NDRG4: variants seen among roughly 807,000 people sequenced by gnomAD.
NDRG4 encodes protein NDRG4.
Under a neutral mutation model 55.8 loss-of-function variants are expected in NDRG4, and 38 were observed. The observed-to-expected ratio is 0.68, with a 90% CI of 0.53 to 0.89. The LOEUF is 0.89. Among genes scored for constraint, NDRG4 ranks in the 40% least tolerant of loss-of-function variants. The pLI, the probability that NDRG4 is intolerant of heterozygous loss-of-function variation, is 0.00. For synonymous variants in NDRG4, 190 were observed against 182.7 expected, an observed-to-expected ratio of 1.04 and a Z score of -0.32; for missense variants, 455 against 468.6, an observed-to-expected ratio of 0.97 and a Z score of 0.27.
At chr16:58,501,830 A>G (rs2037166892) in intron 1 of NDRG4, 1 of 371,940 alleles carries the variant, frequency 2.7e-6, no homozygotes, top group East Asian at 7.6e-5. Flanking sequence ...AGCAGCAGAG[A>G]GCAGACACCC....
At chr16:58,499,950 G>A (rs1213795531), upstream of NDRG4, 1 of 554,538 alleles carries the variant, frequency 1.8e-6, no homozygotes, top group Non-Finnish European at 3.1e-6. Flanking sequence ...TGGCTGGGGT[G>A]GGAGGAGCAG....
At chr16:58,483,065 T>C (rs2034657195) in intron 1 of NDRG4, among the ~76,000 whole-genome samples, 2 of 152,172 alleles carry the variant, frequency 1.3e-5, no homozygotes, top group African/African-American at 4.8e-5. Context: ...GGATTACAGG[T>C]GTGAGCCACC....
intron 1 of NDRG4, among the ~76,000 whole-genome samples, chr16:58,471,375 C>G (rs1157600763): frequency 1.3e-5 from 2 of 151,948 alleles, no homozygotes; most frequent in Admixed American, 6.6e-5. Context: ...TCGGCCTGCA[C>G]TGAGAACAGC....
At chr16:58,486,700 T>TACACAC (rs56119933) in intron 1 of NDRG4, among the ~76,000 whole-genome samples, 164 of 128,128 alleles carry the variant, frequency 1.3e-3, no homozygotes, top group African/African-American at 3.9e-3. Context: ...CACTGGCTCC[T>TACACAC]ACACACACAC....
At chr16:58,473,666 C>A (rs2033185312) in intron 1 of NDRG4, among the ~76,000 whole-genome samples, 1 of 152,098 alleles carries the variant, frequency 6.6e-6, no homozygotes. Context: ...CCGTGAGTCC[C>A]CCTAGCTTTA....
chr16:58,484,951 G>A (rs1281683793), intron 1 of NDRG4, among the ~76,000 whole-genome samples: 1 of 147,640 alleles, frequency 6.8e-6, no homozygotes, highest in East Asian at 2.0e-4. Context: ...GCGCAATCTC[G>A]GCTCACTGCA....
At chr16:58,480,507 G>T (rs1187681724) in intron 1 of NDRG4, among the ~76,000 whole-genome samples, 1 of 152,206 alleles carries the variant, frequency 6.6e-6, no homozygotes, top group Non-Finnish European at 1.5e-5. Context: ...TACCAGAGTG[G>T]CCTCACCACC....
rs1555490231 is a variant in NDRG4 at position 58,513,168 on chromosome 16, A to AAG, written c.*1592_*1593insAG. On this transcript the variant is annotated 3_prime_UTR_variant, in exon 15 of 15. Coordinates refer to ENST00000570248, the MANE Select transcript of NDRG4 (RefSeq NM_001242835.2). ...GTATCTATAAATATCTATACATTAT[A>AAG]TGTGTGTGTGTGTGTGTGTGTGTGT... 10 of 150,136 alleles carry AAG rather than the reference A, an allele frequency of 6.7e-5. No individual in the cohort carries two copies. The highest frequency in any genetic ancestry group is 2.5e-4 in the African/African-American group (10 of 40,466). The allele number at this position is 150,136 out of a possible 1,614,324, so 9.3% of individuals were successfully genotyped here.
intron 1 of NDRG4, among the ~76,000 whole-genome samples, chr16:58,503,046 A>G (rs1233803498): frequency 6.6e-6 from 1 of 152,246 alleles, no homozygotes; most frequent in Non-Finnish European, 1.5e-5. Context: ...AGGCTGAGGC[A>G]CAGCAGAGAA....
upstream of NDRG4, chr16:58,500,072 C>G: frequency 6.7e-7 from 1 of 1,482,402 alleles, no homozygotes; most frequent in Non-Finnish European, 8.9e-7. Context: ...CTCAGAAACC[C>G]TGCGGGGAGG....
Position 58,504,810 on chromosome 16 carries a change from T to A in NDRG4, c.372+161T>A, listed in dbSNP as rs2037640647. On this transcript the variant is annotated intron_variant, in intron 5 of 14. Transcript: ENST00000570248. ...ATGTAGAAAACCTCTTTTTTCTTTT[T>A]TCCTCCAGGGAAATTAACTTTTTTA... 34 of 691,514 alleles carry A rather than the reference T, an allele frequency of 4.9e-5. No homozygotes were observed. In the East Asian group the frequency reaches 9.5e-4, roughly 19 times the overall value. 42.8% of individuals were successfully genotyped at this position (691,514 alleles called of 1,614,324 possible).
intron 1 of NDRG4, among the ~76,000 whole-genome samples, chr16:58,469,183 T>TA (rs1439080751): frequency 6.6e-6 from 1 of 152,220 alleles, no homozygotes; most frequent in Admixed American, 6.5e-5. Context: ...ACATTTTACA[T>TA]ACGGAGGAAA....
intron 1 of NDRG4, among the ~76,000 whole-genome samples, chr16:58,470,012 C>T (rs2032465868): frequency 6.6e-6 from 1 of 152,172 alleles, no homozygotes; most frequent in African/African-American, 2.4e-5. Flanking sequence ...GAAACATTTT[C>T]TTTCAGTGTC....
intron 1 of NDRG4, among the ~76,000 whole-genome samples, chr16:58,472,483 G>T (rs2151577703): frequency 6.6e-6 from 1 of 152,324 alleles, no homozygotes; most frequent in South Asian, 2.1e-4. Flanking sequence ...ACCCCGCACT[G>T]GGGCCCGGCT....
chr16:58,503,782 G>A lies in NDRG4; in HGVS notation c.22-16G>A, dbSNP rs62040071. On this transcript the variant is annotated splice_polypyrimidine_tract_variant and intron_variant, in intron 1 of 14. Transcript: ENST00000570248. ...GGAGGCTGCCCAGAGTGTCCAGCACGGTCTCTCCCCTTCAGGAACATGACA... is the reference window on the plus strand; with the variant it reads ...GGAGGCTGCCCAGAGTGTCCAGCACAGTCTCTCCCCTTCAGGAACATGACA... 3.6e-3 allele frequency: 5,875 copies of A among 1,613,650 alleles called. 10 individuals carry two copies. The highest frequency in any genetic ancestry group is 4.6e-3 in the Non-Finnish European group (5,397 of 1,179,940).
chr16:58,506,522 G>A (rs757922261), intron 6 of NDRG4, 36 bp from the exon 7 acceptor site: 2 of 1,599,690 alleles, frequency 1.3e-6, no homozygotes, highest in Non-Finnish European at 1.7e-6. Flanking sequence ...GGTGGGGTGA[G>A]GGGCGGCACT....
At chr16:58,510,187 A>AG (rs944101536) in intron 13 of NDRG4, among the ~76,000 whole-genome samples, 2 of 152,234 alleles carry the variant, frequency 1.3e-5, no homozygotes, top group African/African-American at 4.8e-5. Context: ...GCAGAGCCCT[A>AG]GGGCCCACAG....
chr16:58,506,380 A>C lies in NDRG4; in HGVS notation c.373-7A>C. 6.2e-7 allele frequency: 1 copy of C among 1,613,596 alleles called. No homozygotes were observed. Reference sequence around the variant, plus strand: ...CCCGCCCGGCCCTGTTTCCCCTCTTACTGCAGCTCATCTTCCCCGACCTGG... The same window carrying C: ...CCCGCCCGGCCCTGTTTCCCCTCTTCCTGCAGCTCATCTTCCCCGACCTGG... On this transcript the variant is annotated splice_region_variant and splice_polypyrimidine_tract_variant and intron_variant, in intron 5 of 14. Coordinates refer to ENST00000570248, the MANE Select transcript of NDRG4 (RefSeq NM_001242835.2).
intron 1 of NDRG4, among the ~76,000 whole-genome samples, chr16:58,503,019 G>A (rs926750006): frequency 2.0e-5 from 3 of 152,262 alleles, no homozygotes; most frequent in African/African-American, 7.2e-5. Context: ...GTCCCTGTGA[G>A]GTGGTTCTGG....
Sources: gnomAD v4.1 joint callset for allele counts (sites outside exome capture counted in the v4.1 genomes callset) on GRCh38, gnomAD v4.1.1 for gene constraint, MANE v1.5 for transcripts, NCBI Gene and HGNC (gene_info 2026-07-23, HGNC 2026-07-21) for gene names.